Variants in SAV1 observed in about 807,000 individuals in gnomAD.
SAV1 encodes protein salvador homolog 1.
In SAV1, 23 loss-of-function variants were observed where a neutral mutation model predicts 47.3. The ratio of observed to expected loss-of-function variants is 0.49; its 90% confidence interval spans 0.35 to 0.69. The LOEUF is 0.69. Ranked by LOEUF, SAV1 falls within the 30% of genes least tolerant of loss-of-function variation. The pLI, the probability that SAV1 is intolerant of heterozygous loss-of-function variation, is 0.01. For synonymous variants in SAV1, 155 were observed against 159.2 expected, an observed-to-expected ratio of 0.97 and a Z score of 0.20; for missense variants, 448 against 457.4, an observed-to-expected ratio of 0.98 and a Z score of 0.19.
At chr14:50,646,770 C>T (rs1431954677) in intron 2 of SAV1, among the ~76,000 whole-genome samples, 1 of 150,406 alleles carries the variant, frequency 6.6e-6, no homozygotes, top group Non-Finnish European at 1.5e-5. Context: ...TACTGAAAGG[C>T]AAAAGAGAAC....
chr14:50,658,724 C>G (rs758282628), intron 2 of SAV1, among the ~76,000 whole-genome samples: 6 of 152,202 alleles, frequency 3.9e-5, no homozygotes, highest in African/African-American at 1.4e-4. Context: ...CAAACCTATC[C>G]TATCCTCCTA....
intron 2 of SAV1, chr14:50,662,394 C>T (rs1313040790): frequency 6.6e-6 from 1 of 152,220 alleles, no homozygotes; most frequent in Non-Finnish European, 1.5e-5. Context: ...GCCTCAATCT[C>T]CTGACCTCGT....
chr14:50,646,368 A>C (rs974375966), intron 2 of SAV1, among the ~76,000 whole-genome samples: 3 of 152,218 alleles, frequency 2.0e-5, no homozygotes, highest in Admixed American at 6.5e-5. Context: ...AAAACCATGG[A>C]TAAAGCGAGA....
At chr14:50,640,634 GA>G in intron 4 of SAV1, 115 bp downstream of exon 4, 1 of 809,762 alleles carries the variant, frequency 1.2e-6, no homozygotes, top group Non-Finnish European at 1.8e-6. Flanking sequence ...GTATTACTTA[GA>G]AGCCGAATAT....
chr14:50,646,792 A>C (rs2039726248), intron 2 of SAV1, among the ~76,000 whole-genome samples: 1 of 152,218 alleles, frequency 6.6e-6, no homozygotes, highest in African/African-American at 2.4e-5. Context: ...AGAGTAGCCA[A>C]AACAATTTTT....
chr14:50,666,679 A>G (rs903197729), intron 1 of SAV1, among the ~76,000 whole-genome samples: 4 of 152,062 alleles, frequency 2.6e-5, no homozygotes, highest in African/African-American at 9.7e-5. Context: ...ATAATTCACG[A>G]TTTCAAGTAA....
At chr14:50,659,781 C>T (rs1462792204) in intron 2 of SAV1, among the ~76,000 whole-genome samples, 1 of 152,142 alleles carries the variant, frequency 6.6e-6, no homozygotes, top group Admixed American at 6.5e-5. Context: ...GAGGTCGAGG[C>T]TGCAGTGAGC....
intron 2 of SAV1, among the ~76,000 whole-genome samples, chr14:50,648,268 T>C (rs2039738667): frequency 6.6e-6 from 1 of 152,056 alleles, no homozygotes; most frequent in Non-Finnish European, 1.5e-5. Flanking sequence ...AAAACAGTGA[T>C]TGCTAGGAAC....
chr14:50,637,348 T>A (rs1374006274), intron 4 of SAV1, among the ~76,000 whole-genome samples: 1 of 152,180 alleles, frequency 6.6e-6, no homozygotes, highest in African/African-American at 2.4e-5. Context: ...TCTTAGAACA[T>A]CCACCATTCT....
At chr14:50,645,171 G>A (rs2934687) in intron 2 of SAV1, among the ~76,000 whole-genome samples, 157 bp from the exon 3 acceptor site, 114,736 of 152,040 alleles carry the variant, frequency 0.75, 43,519 homozygotes, top group East Asian at 0.82. Flanking sequence ...AAAACTAGTC[G>A]GTATTACTAT....
chr14:50,655,879 C>T (rs1167579412), intron 2 of SAV1, among the ~76,000 whole-genome samples: 7 of 152,084 alleles, frequency 4.6e-5, no homozygotes, highest in Non-Finnish European at 1.5e-5. Flanking sequence ...AACCCCATCT[C>T]TACTAAAAAT....
In SAV1 at chr14:50,646,727, T is replaced by C. The variant is rs531133465; in HGVS notation, c.536-1713A>G. 7.3e-5 allele frequency among the ~76,000 whole-genome samples: 11 copies of C among 149,886 alleles called. No individual in the cohort carries two copies. In the East Asian group the frequency reaches 1.4e-3, roughly 19 times the overall value. On this transcript the variant is annotated intron_variant, in intron 2 of 4. Coordinates refer to ENST00000324679, the MANE Select transcript of SAV1 (RefSeq NM_021818.4). ...AAAAATTCCATGGAGTTTTTGTAGA[T>C]ACAGATAGTTATTAAACAGATTTTA...
At chr14:50,653,108 G>T (rs762987889) in intron 2 of SAV1, among the ~76,000 whole-genome samples, 51 of 151,868 alleles carry the variant, frequency 3.4e-4, no homozygotes, top group Non-Finnish European at 3.5e-4. Flanking sequence ...AAACTGTCAA[G>T]GTCATAAAAA....
chr14:50,660,479 T>C (rs1028300001), intron 2 of SAV1, among the ~76,000 whole-genome samples: 1 of 152,240 alleles, frequency 6.6e-6, no homozygotes, highest in Admixed American at 6.5e-5. Context: ...CATTGTTTTA[T>C]AGCATTTTTT....
At chr14:50,661,389 T>C (rs1320658106) in intron 2 of SAV1, among the ~76,000 whole-genome samples, 2 of 152,242 alleles carry the variant, frequency 1.3e-5, no homozygotes, top group Non-Finnish European at 2.9e-5. Flanking sequence ...TTTCTCCTAT[T>C]CAATATGTTG....
chr14:50,660,939 G>A lies in SAV1; in HGVS notation c.535+4240C>T, dbSNP rs1040723142. 1.2e-4 allele frequency among the ~76,000 whole-genome samples: 18 copies of A among 152,280 alleles called. No individual in the cohort carries two copies. The East Asian group carries it at 3.3e-3, about 28-fold the overall frequency. On this transcript the variant is annotated intron_variant, in intron 2 of 4. Transcript: ENST00000324679. The stretch of plus-strand genomic sequence containing the variant: ...AACATGGGAGTGCAGGTATTTCTTT[G>A]ATATACTGATTTCTTTTCCTTTAGA...
At chr14:50,644,720 T>G in intron 3 of SAV1, 24 bp downstream of exon 3, 1 of 1,585,644 alleles carries the variant, frequency 6.3e-7, no homozygotes, top group Non-Finnish European at 8.6e-7. Context: ...AAACAAAAAG[T>G]TGAAAATAAA....
chr14:50,652,761 T>A (rs917367218), intron 2 of SAV1, among the ~76,000 whole-genome samples: 13 of 152,234 alleles, frequency 8.5e-5, no homozygotes, highest in African/African-American at 3.1e-4. Flanking sequence ...CTGGGCACAG[T>A]GGCTCACGCC....
intron 2 of SAV1, among the ~76,000 whole-genome samples, chr14:50,656,412 T>C (rs79467875): frequency 0.049 from 7,493 of 151,694 alleles, 200 homozygotes; most frequent in African/African-American, 0.068. Context: ...AGATATCTAT[T>C]AATAATTTCA....
Sources: gnomAD v4.1 joint callset for allele counts (sites outside exome capture counted in the v4.1 genomes callset) on GRCh38, gnomAD v4.1.1 for gene constraint, MANE v1.5 for transcripts, NCBI Gene and HGNC (gene_info 2026-07-23, HGNC 2026-07-21) for gene names.